Variants in TMEM33 observed in about 807,000 individuals in gnomAD.
TMEM33 encodes transmembrane protein 33.
Under a neutral mutation model 29.7 loss-of-function variants are expected in TMEM33, and 16 were observed. The ratio of observed to expected loss-of-function variants is 0.54; its 90% confidence interval spans 0.36 to 0.82. TMEM33 has a LOEUF of 0.82. Ranked by LOEUF, TMEM33 falls within the 40% of genes least tolerant of loss-of-function variation. The pLI, the probability that TMEM33 is intolerant of heterozygous loss-of-function variation, is 0.00. For missense variants in TMEM33, 252 were observed against 295.3 expected (o/e 0.85, Z 1.08); for synonymous variants, 112 against 109.4 (o/e 1.02, Z -0.15).
At position 41,938,750 on chromosome 4, in the gene TMEM33, A is replaced by G. The variant is rs138321780; in HGVS notation, c.140+54A>G. 7.1e-4 allele frequency: 1,106 copies of G among 1,548,770 alleles called. 9 individuals are homozygous for G. The African/African-American group carries it at 0.013, about 19-fold the overall frequency. On this transcript the variant is annotated intron_variant, in intron 2 of 6. Transcript: ENST00000504986. Reference sequence around the variant, plus strand: ...ATATTCAATTGTTGAGTCAGTTTATATGGAGTGCCTTTTAGGTGTAAGACT... The same window carrying G: ...ATATTCAATTGTTGAGTCAGTTTATGTGGAGTGCCTTTTAGGTGTAAGACT...
intron 5 of TMEM33, among the ~76,000 whole-genome samples, chr4:41,947,564 A>G (rs1352388301): frequency 6.6e-6 from 1 of 152,230 alleles, no homozygotes; most frequent in Admixed American, 6.5e-5. Flanking sequence ...TGTAAAAAAG[A>G]TGAGAATTTA....
intron 1 of TMEM33, among the ~76,000 whole-genome samples, chr4:41,935,742 TG>T (rs1712198706): frequency 6.6e-6 from 1 of 152,212 alleles, no homozygotes; most frequent in African/African-American, 2.4e-5. Context: ...TAGGCTGACC[TG>T]GAGCTGGTGG....
intron 6 of TMEM33, 38 bp downstream of exon 6, chr4:41,949,423 G>C: frequency 5.3e-6 from 8 of 1,509,970 alleles, no homozygotes; most frequent in East Asian, 2.3e-5. Context: ...TTTATTTGTT[G>C]AGAGTATTGT....
Position 41,959,492 on chromosome 4 carries a change from T to A in TMEM33, c.*5293T>A, listed in dbSNP as rs1228264989. On this transcript the variant is annotated 3_prime_UTR_variant, in exon 7 of 7. Transcript: ENST00000504986. The stretch of plus-strand genomic sequence containing the variant: ...GGAAAAAATTATAGATGGATGTCTT[T>A]GCTGAAATCTAACAATTAGCTCATA... 6.6e-6 allele frequency: 1 copy of A among 152,236 alleles called. No individual in the cohort carries two copies. Among genetic ancestry groups the A allele is most frequent in the Non-Finnish European group, 1.5e-5 (1 of 68,040 alleles). The allele number at this position is 152,236 out of a possible 1,614,324, so 9.4% of individuals were successfully genotyped here.
chr4:41,949,471 C>A, intron 6 of TMEM33, 86 bp downstream of exon 6: 2 of 1,105,836 alleles, frequency 1.8e-6, no homozygotes, highest in East Asian at 2.5e-5. Context: ...AGTTACTTAG[C>A]TAATGTGTTA....
At chr4:41,942,022 T>C (rs1426923879) in intron 3 of TMEM33, among the ~76,000 whole-genome samples, 1 of 152,226 alleles carries the variant, frequency 6.6e-6, no homozygotes, top group Non-Finnish European at 1.5e-5. Flanking sequence ...TGCCAGAGCA[T>C]GAAACTTGAC....
intron 6 of TMEM33, chr4:41,953,681 G>A (rs1713139599): frequency 6.7e-6 from 3 of 448,518 alleles, no homozygotes; most frequent in Non-Finnish European, 1.3e-5. Context: ...GTGTCTCAAA[G>A]AATAGGTAGG....
At chr4:41,947,296 A>G (rs1423371084) in intron 5 of TMEM33, among the ~76,000 whole-genome samples, 1 of 151,912 alleles carries the variant, frequency 6.6e-6, no homozygotes, top group Non-Finnish European at 1.5e-5. Flanking sequence ...ATTGATGTCT[A>G]TATCCTGAAA....
In TMEM33 at chr4:41,955,667, A is replaced by G. The variant is rs1048753374; in HGVS notation, c.*1468A>G. 2 of 152,362 alleles carry G rather than the reference A, an allele frequency of 1.3e-5. No homozygotes were observed. Among genetic ancestry groups the G allele is most frequent in the African/African-American group, 4.9e-5 (2 of 41,206 alleles). The allele number at this position is 152,362 out of a possible 1,614,324, so 9.4% of individuals were successfully genotyped here. On this transcript the variant is annotated 3_prime_UTR_variant, in exon 7 of 7. Coordinates refer to ENST00000504986, the MANE Select transcript of TMEM33 (RefSeq NM_018126.3). ...AATCAGCTATTTTTGTATTTTTGTAATATTTGTCCACTAAGCTGGAGAAGC... is the reference window on the plus strand; with the variant it reads ...AATCAGCTATTTTTGTATTTTTGTAGTATTTGTCCACTAAGCTGGAGAAGC...
rs1713376993 is a variant in TMEM33 at position 41,958,786 on chromosome 4, G to T, written c.*4587G>T. The T allele has an allele frequency of 7.2e-6, 1 of 139,044 alleles. No homozygotes were observed. Among genetic ancestry groups the T allele is most frequent in the Non-Finnish European group, 1.5e-5 (1 of 66,884 alleles). 8.6% of individuals were successfully genotyped at this position (139,044 alleles called of 1,614,324 possible). A position where few individuals can be genotyped will look rare whatever the true frequency, so the allele number is the denominator to read the frequency against. Reference sequence around the variant, plus strand: ...TGCAGTGGTGCAGTCTTGGCTCACTGCAACCTCTGCCTCCTGGGTTAAAGC... The same window carrying T: ...TGCAGTGGTGCAGTCTTGGCTCACTTCAACCTCTGCCTCCTGGGTTAAAGC... On this transcript the variant is annotated 3_prime_UTR_variant, in exon 7 of 7. Transcript: ENST00000504986.
In TMEM33 at chr4:41,958,698, C is replaced by CTTTTTTTTTT. The variant is rs1560522125; in HGVS notation, c.*4500_*4501insTTTTTTTTTT. The CTTTTTTTTTT allele has an allele frequency of 7.5e-6, 1 of 132,476 alleles. No individual in the cohort carries two copies. The allele number at this position is 132,476 out of a possible 1,614,324, so 8.2% of individuals were successfully genotyped here. A position where few individuals can be genotyped will look rare whatever the true frequency, so the allele number is the denominator to read the frequency against. The stretch of plus-strand genomic sequence containing the variant: ...TTGTAGAGACAACTAGTTTCTCTCG[C>CTTTTTTTTTT]TCTTTTTTTTTTTTTTTTTTTTTTT... On this transcript the variant is annotated 3_prime_UTR_variant, in exon 7 of 7. Transcript: ENST00000504986.
chr4:41,953,618 C>T (rs1713136731), intron 6 of TMEM33: 1 of 350,056 alleles, frequency 2.9e-6, no homozygotes. Flanking sequence ...CCTCCTTTCA[C>T]CTGAGCACTT....
chr4:41,948,271 C>T (rs771273218), intron 5 of TMEM33, among the ~76,000 whole-genome samples: 1 of 151,982 alleles, frequency 6.6e-6, no homozygotes, highest in African/African-American at 2.4e-5. Flanking sequence ...AGGACATATT[C>T]GAGATTGTGG....
intron 3 of TMEM33, chr4:41,939,727 G>T (rs371667285): frequency 4.4e-6 from 2 of 459,734 alleles, no homozygotes; most frequent in African/African-American, 2.0e-5. Flanking sequence ...AAAGTGTCCA[G>T]ATGTCTTGCT....
chr4:41,945,015 A>G, intron 5 of TMEM33, 89 bp downstream of exon 5: 1 of 1,517,386 alleles, frequency 6.6e-7, no homozygotes, highest in South Asian at 1.2e-5. Flanking sequence ...AAATCTGTTG[A>G]AGGTAGGTAT....
Position 41,935,442 on chromosome 4 carries a change from T to C in TMEM33, c.-43T>C. 4 of 1,582,686 alleles carry C rather than the reference T, an allele frequency of 2.5e-6. No individual in the cohort carries two copies. The highest frequency in any genetic ancestry group is 3.4e-6 in the Non-Finnish European group (4 of 1,163,564). On this transcript the variant is annotated 5_prime_UTR_variant, in exon 1 of 7. Coordinates refer to ENST00000504986, the MANE Select transcript of TMEM33 (RefSeq NM_018126.3). ...CTGACGTTTTCTCTCCCCTTTCTTCTCTCTTCGCGGTTGCGGCGTCGCAGA... is the reference window on the plus strand; with the variant it reads ...CTGACGTTTTCTCTCCCCTTTCTTCCCTCTTCGCGGTTGCGGCGTCGCAGA...
chr4:41,942,852 C>T (rs1033314900), intron 3 of TMEM33, among the ~76,000 whole-genome samples: 2 of 152,156 alleles, frequency 1.3e-5, no homozygotes, highest in South Asian at 4.1e-4. Flanking sequence ...AAGCAAAATA[C>T]ATACTGCCTT....
chr4:41,959,979 C>G lies in TMEM33; in HGVS notation c.*5780C>G, dbSNP rs1405091636. On this transcript the variant is annotated 3_prime_UTR_variant, in exon 7 of 7. Coordinates refer to ENST00000504986, the MANE Select transcript of TMEM33 (RefSeq NM_018126.3). The stretch of plus-strand genomic sequence containing the variant: ...GTACAGGTTGGGGAGTTACATTCTT[C>G]AGGCCAATACTATCCAGACTATATA... 6.6e-6 allele frequency: 1 copy of G among 152,084 alleles called. No individual in the cohort carries two copies. Among genetic ancestry groups the G allele is most frequent in the Non-Finnish European group, 1.5e-5 (1 of 67,988 alleles). 9.4% of individuals were successfully genotyped at this position (152,084 alleles called of 1,614,324 possible). A position where few individuals can be genotyped will look rare whatever the true frequency, so the allele number is the denominator to read the frequency against.
intron 3 of TMEM33, chr4:41,939,809 G>A: frequency 2.2e-6 from 1 of 456,224 alleles, no homozygotes; most frequent in Non-Finnish European, 4.4e-6. Flanking sequence ...ATTTAACCAA[G>A]AAACAACTTA....
Sources: gnomAD v4.1 joint callset for allele counts (sites outside exome capture counted in the v4.1 genomes callset) on GRCh38, gnomAD v4.1.1 for gene constraint, MANE v1.5 for transcripts, NCBI Gene and HGNC (gene_info 2026-07-23, HGNC 2026-07-21) for gene names.